PEPD: variants seen among roughly 807,000 people sequenced by gnomAD.
PEPD encodes the protein peptidase D, also known as xaa-Pro dipeptidase.
PEPD carries 53 observed loss-of-function variants against 60.7 expected under a neutral mutation model. The observed-to-expected ratio is 0.87, with a 90% confidence interval of 0.70 to 1.10. The LOEUF (loss-of-function observed/expected upper bound fraction) is 1.10. PEPD is among the 50% of genes least tolerant of loss of function. The pLI, the probability that PEPD is intolerant of heterozygous loss-of-function variation, is 0.00. For synonymous variants in PEPD, 267 were observed against 284.1 expected, an observed-to-expected ratio of 0.94 and a Z score of 0.60; for missense variants, 711 against 711.9, an observed-to-expected ratio of 1.00 and a Z score of 0.01.
intron 4 of PEPD, among the ~76,000 whole-genome samples, chr19:33,495,500 CA>C (rs879774146): frequency 0.017 from 1,472 of 85,512 alleles, 7 homozygotes; most frequent in Non-Finnish European, 0.021. Context: ...GACTCTGTCT[CA>C]AAAAAAAAAA....
At chr19:33,458,203 G>A (rs1600131900) in intron 9 of PEPD, among the ~76,000 whole-genome samples, 1 of 151,850 alleles carries the variant, frequency 6.6e-6, no homozygotes, top group East Asian at 2.0e-4. Context: ...GCTGTGGTGT[G>A]TGCAGGGTAT....
chr19:33,511,547 G>A, intron 2 of PEPD: 1 of 333,168 alleles, frequency 3.0e-6, no homozygotes, highest in East Asian at 7.7e-5. Context: ...TATCTGCACA[G>A]AAATGGATTC....
intron 9 of PEPD, among the ~76,000 whole-genome samples, chr19:33,458,741 G>A: frequency 5.3e-4 from 1 of 1,882 alleles, no homozygotes; most frequent in Non-Finnish European, 1.1e-3. Flanking sequence ...CATGTGTGTT[G>A]TGTGAGGTGT....
At chr19:33,521,092 C>A (rs957057630) in intron 1 of PEPD, among the ~76,000 whole-genome samples, 2 of 152,236 alleles carry the variant, frequency 1.3e-5, no homozygotes, top group South Asian at 2.1e-4. Flanking sequence ...CCTCCCACTA[C>A]GACCACTCAG....
intron 9 of PEPD, among the ~76,000 whole-genome samples, chr19:33,460,592 AC>A (rs1200798421): frequency 6.6e-6 from 1 of 151,160 alleles, no homozygotes; most frequent in Non-Finnish European, 1.5e-5. Flanking sequence ...CCCCGTACCC[AC>A]CCCCCTGCTC....
chr19:33,503,863 G>A (rs979510114), intron 3 of PEPD, among the ~76,000 whole-genome samples: 19 of 152,214 alleles, frequency 1.2e-4, no homozygotes, highest in Non-Finnish European at 2.6e-4. Context: ...CCTACAGAGG[G>A]GCATCTCAGC....
At chr19:33,419,463 T>C (rs1209776819) in intron 9 of PEPD, among the ~76,000 whole-genome samples, 1 of 152,208 alleles carries the variant, frequency 6.6e-6, no homozygotes, top group Non-Finnish European at 1.5e-5. Context: ...ATCTTCCCAC[T>C]GCACAGAGGA....
intron 11 of PEPD, among the ~76,000 whole-genome samples, chr19:33,404,609 G>T (rs1361532374): frequency 6.6e-6 from 1 of 152,190 alleles, no homozygotes; most frequent in Non-Finnish European, 1.5e-5. Context: ...AAGACCATGG[G>T]ATGGTGGGTG....
chr19:33,489,554 G>A (rs932943774), intron 6 of PEPD, among the ~76,000 whole-genome samples: 42 of 151,932 alleles, frequency 2.8e-4, no homozygotes, highest in Non-Finnish European at 5.4e-4. Flanking sequence ...ACTTGAATCC[G>A]GGAGATGGAG....
rs377319386 is a variant in PEPD, at chr19:33,395,387, GCT to G, written c.968-3910_968-3909del. Among the ~76,000 whole-genome samples, 74 of 152,250 alleles carry G rather than the reference GCT, an allele frequency of 4.9e-4. No homozygotes were observed. In the East Asian group the frequency reaches 0.012, roughly 25 times the overall value. ...GAGAGGAGCCCCAGCTTCTCTCATG[GCT>G]CTCCTGCAGCCAGTGTTGTGCCCCA... On this transcript the variant is annotated intron_variant, in intron 12 of 14. Transcript: ENST00000244137.
intron 4 of PEPD, among the ~76,000 whole-genome samples, chr19:33,497,139 G>A (rs929634181): frequency 6.6e-6 from 1 of 152,266 alleles, no homozygotes; most frequent in African/African-American, 2.4e-5. Flanking sequence ...GTCTGGATGT[G>A]TGGCTACTCC....
intron 4 of PEPD, among the ~76,000 whole-genome samples, chr19:33,494,105 G>A (rs746068992): frequency 3.3e-5 from 5 of 152,114 alleles, no homozygotes; most frequent in Non-Finnish European, 5.9e-5. Context: ...AAAGTGCCAT[G>A]TGCCAACCAG....
chr19:33,394,377 G>A (rs572743243), intron 12 of PEPD, among the ~76,000 whole-genome samples: 56 of 152,252 alleles, frequency 3.7e-4, no homozygotes, highest in Non-Finnish European at 6.3e-4. Context: ...GGGCAGGCCC[G>A]GCGCCGCCCA....
chr19:33,432,906 C>T (rs1969303134), intron 9 of PEPD, among the ~76,000 whole-genome samples: 1 of 152,246 alleles, frequency 6.6e-6, no homozygotes. Context: ...GTCACATGCA[C>T]ACGCCTTCCA....
At chr19:33,404,666 G>A (rs1457192684) in intron 11 of PEPD, among the ~76,000 whole-genome samples, 2 of 152,176 alleles carry the variant, frequency 1.3e-5, no homozygotes, top group African/African-American at 2.4e-5. Context: ...GCTTGTAGAA[G>A]ACTGTAACTG....
At chr19:33,456,993 G>C (rs1388734418) in intron 9 of PEPD, among the ~76,000 whole-genome samples, 1 of 151,246 alleles carries the variant, frequency 6.6e-6, no homozygotes, top group Non-Finnish European at 1.5e-5. Flanking sequence ...CCTGGTCAGA[G>C]ACACACAAGG....
intron 9 of PEPD, among the ~76,000 whole-genome samples, chr19:33,451,300 A>T (rs1019215987): frequency 2.6e-5 from 4 of 152,246 alleles, no homozygotes; most frequent in Non-Finnish European, 5.9e-5. Flanking sequence ...TAATTTTTTA[A>T]GGAAAATTTT....
chr19:33,472,228 T>C (rs944479875), intron 7 of PEPD, among the ~76,000 whole-genome samples: 1 of 151,594 alleles, frequency 6.6e-6, no homozygotes, highest in Non-Finnish European at 1.5e-5. Flanking sequence ...CTCGGGAGGC[T>C]GAGGCGGGAG....
intron 8 of PEPD, among the ~76,000 whole-genome samples, chr19:33,463,248 G>A (rs139976794): frequency 3.5e-4 from 54 of 152,318 alleles, no homozygotes; most frequent in African/African-American, 1.3e-3. Context: ...CTGCTATGAA[G>A]CACTTCCATT....
Sources: allele counts gnomAD v4.1 joint callset (sites outside exome capture counted in the v4.1 genomes callset), GRCh38; gene constraint gnomAD v4.1.1; transcripts MANE v1.5; gene names NCBI Gene and HGNC (gene_info 2026-07-23, HGNC 2026-07-21).